The following NFIA variants were observed in gnomAD, a reference collection of about 807,000 sequenced individuals.
NFIA encodes the protein nuclear factor I A.
In NFIA, 8 loss-of-function variants were observed where a neutral mutation model predicts 62.8. The ratio of observed to expected loss-of-function variants is 0.13; its 90% CI spans 0.07 to 0.23. NFIA has a LOEUF of 0.23. Among genes scored for constraint, NFIA ranks in the 10% least tolerant of loss-of-function variants. The pLI is 1.00. For synonymous variants in NFIA, 235 were observed against 238.1 expected, an observed-to-expected ratio of 0.99 and a Z score of 0.12; for missense variants, 410 against 642.1, an observed-to-expected ratio of 0.64 and a Z score of 3.91.
At chr1:61,211,046 T>C (rs763764905) in intron 2 of NFIA, among the ~76,000 whole-genome samples, 5 of 152,218 alleles carry the variant, frequency 3.3e-5, no homozygotes, top group African/African-American at 4.8e-5. Flanking sequence ...AGGAGTATGC[T>C]GTATTAGGAA....
chr1:61,223,025 A>T (rs889260897), intron 2 of NFIA, among the ~76,000 whole-genome samples: 2 of 152,048 alleles, frequency 1.3e-5, no homozygotes, highest in Non-Finnish European at 1.5e-5. Flanking sequence ...GAAGGGAAAA[A>T]ATGTTGCCGA....
chr1:61,202,565 A>G (rs1170386769), intron 2 of NFIA, among the ~76,000 whole-genome samples: 1 of 152,226 alleles, frequency 6.6e-6, no homozygotes. Flanking sequence ...ATAAATTATT[A>G]CACAGTAATA....
At chr1:61,221,632 C>T (rs1210410821) in intron 2 of NFIA, among the ~76,000 whole-genome samples, 1 of 151,986 alleles carries the variant, frequency 6.6e-6, no homozygotes, top group Non-Finnish European at 1.5e-5. Flanking sequence ...AAATTGGCAT[C>T]CTGAAAGAGT....
At chr1:61,227,350 A>G (rs1465497408) in intron 2 of NFIA, among the ~76,000 whole-genome samples, 1 of 152,154 alleles carries the variant, frequency 6.6e-6, no homozygotes, top group East Asian at 1.9e-4. Flanking sequence ...TTCATAATTT[A>G]TCAAGCTTGA....
intron 1 of NFIA, among the ~76,000 whole-genome samples, chr1:61,083,747 C>G (rs1646164744): frequency 6.6e-6 from 1 of 151,260 alleles, no homozygotes; most frequent in Admixed American, 6.6e-5. Flanking sequence ...CCGGGCCGGA[C>G]ACGGCTCCCC....
At chr1:61,098,413 A>G (rs1646453433) in intron 2 of NFIA, among the ~76,000 whole-genome samples, 1 of 152,218 alleles carries the variant, frequency 6.6e-6, no homozygotes, top group Non-Finnish European at 1.5e-5. Flanking sequence ...ATGGATGCAC[A>G]CCATATAAAA....
chr1:61,438,259 A>T (rs965356280), intron 10 of NFIA, among the ~76,000 whole-genome samples: 3 of 152,192 alleles, frequency 2.0e-5, no homozygotes, highest in Non-Finnish European at 4.4e-5. Context: ...CCTGCATTCC[A>T]CTTAGAGTTA....
intron 2 of NFIA, among the ~76,000 whole-genome samples, chr1:61,113,834 C>T (rs567322923): frequency 1.7e-4 from 26 of 152,112 alleles, no homozygotes; most frequent in Admixed American, 1.0e-3. Context: ...TAGAGCAGGT[C>T]GGTTGGCGAG....
chr1:61,272,305 A>T (rs985688879), intron 2 of NFIA, among the ~76,000 whole-genome samples: 14 of 152,118 alleles, frequency 9.2e-5, no homozygotes, highest in Admixed American at 7.2e-4. Flanking sequence ...TTTTCTTCAC[A>T]CGTCAGTCTT....
intron 2 of NFIA, among the ~76,000 whole-genome samples, chr1:61,107,657 A>G: frequency 6.6e-6 from 1 of 151,752 alleles, no homozygotes; most frequent in East Asian, 1.9e-4. Context: ...TTTGATCAAC[A>G]AAAATTCTTA....
At chr1:61,212,060 AT>A (rs1653299478) in intron 2 of NFIA, among the ~76,000 whole-genome samples, 1 of 152,080 alleles carries the variant, frequency 6.6e-6, no homozygotes. Context: ...AAATTAGCAA[AT>A]TGGGTTGTTG....
intron 10 of NFIA, among the ~76,000 whole-genome samples, chr1:61,436,502 G>A (rs949671617): frequency 4.6e-5 from 7 of 152,096 alleles, no homozygotes; most frequent in African/African-American, 7.2e-5. Flanking sequence ...AATCCTTTTG[G>A]ACCTAGGCTT....
intron 3 of NFIA, among the ~76,000 whole-genome samples, chr1:61,292,244 A>G (rs1368192301): frequency 6.6e-6 from 1 of 152,228 alleles, no homozygotes; most frequent in African/African-American, 2.4e-5. Context: ...GGAGACCACT[A>G]TTCTAGACTA....
In NFIA at chr1:61,191,941, TTTG is replaced by T. The variant is rs372232804; in HGVS notation, c.560-85564_560-85562del. The stretch of plus-strand genomic sequence containing the variant: ...TTAAAATTTACTAAAAATAACAAGT[TTTG>T]TTGTTGTTGTTGTTTTGTTTTTTGT... On this transcript the variant is annotated intron_variant, in intron 2 of 10. Transcript: ENST00000403491. Among the ~76,000 whole-genome samples, 704 of 145,566 alleles carry T rather than the reference TTTG, an allele frequency of 4.8e-3. 3 individuals carry two copies. The highest frequency in any genetic ancestry group is 0.017 in the African/African-American group (627 of 37,886).
At chr1:61,144,616 A>G (rs1395677749) in intron 2 of NFIA, among the ~76,000 whole-genome samples, 3 of 152,208 alleles carry the variant, frequency 2.0e-5, no homozygotes, top group Non-Finnish European at 4.4e-5. Context: ...AAAACTCTCT[A>G]AGCCTTAGTT....
chr1:61,197,234 CTTTTTTTTTT>C (rs1002158986), intron 2 of NFIA, among the ~76,000 whole-genome samples: 1 of 93,388 alleles, frequency 1.1e-5, no homozygotes, highest in African/African-American at 4.4e-5. Context: ...TACTCTGGTT[CTTTTTTTTTT>C]TTTTTTTTTT....
At chr1:61,306,294 T>TTTTTTTTTTC (rs748026405) in intron 3 of NFIA, among the ~76,000 whole-genome samples, 2 of 109,704 alleles carry the variant, frequency 1.8e-5, no homozygotes, top group African/African-American at 3.6e-5. Context: ...TTTTTTTTTT[T>TTTTTTTTTTC]AAGACAGAGT....
At chr1:61,361,300 C>T (rs867195268) in intron 6 of NFIA, among the ~76,000 whole-genome samples, 16 of 152,266 alleles carry the variant, frequency 1.1e-4, no homozygotes, top group Middle Eastern at 6.8e-3. Context: ...TGCCACTACC[C>T]GCATCATCAG....
intron 3 of NFIA, among the ~76,000 whole-genome samples, chr1:61,303,934 G>T (rs1659621600): frequency 6.6e-6 from 1 of 152,194 alleles, no homozygotes. Flanking sequence ...AAGGGCAGAA[G>T]AAGGGAAACC....
Sources: gnomAD v4.1 joint callset for allele counts (sites outside exome capture counted in the v4.1 genomes callset) on GRCh38, gnomAD v4.1.1 for gene constraint, MANE v1.5 for transcripts, NCBI Gene and HGNC (gene_info 2026-07-23, HGNC 2026-07-21) for gene names.